Variants in CUBN observed in about 807,000 individuals in gnomAD.
CUBN encodes 460 kDa receptor.
CUBN carries 282 observed loss-of-function variants against 405.3 expected under a neutral mutation model. The observed-to-expected ratio is 0.70, with a 90% CI of 0.63 to 0.77. The LOEUF (loss-of-function observed/expected upper bound fraction) is 0.77, where lower values mean the gene tolerates loss of function less well. Among genes scored for constraint, CUBN ranks in the 30% least tolerant of loss-of-function variants. The pLI, the probability that CUBN is intolerant of heterozygous loss-of-function variation, is 0.00. For missense variants in CUBN, 4,514 were observed against 4,475.2 expected, an observed-to-expected ratio of 1.01 and a Z score of -0.25; for synonymous variants, 1,684 against 1,617.0, an observed-to-expected ratio of 1.04 and a Z score of -0.99.
At chr10:16,838,855 A>G (rs528678144) in intron 62 of CUBN, among the ~76,000 whole-genome samples, 1 of 152,338 alleles carries the variant, frequency 6.6e-6, no homozygotes, top group East Asian at 1.9e-4. Context: ...CACACTGGCC[A>G]GGCTGATCTT....
chr10:16,832,378 T>C (rs933268238), intron 64 of CUBN, among the ~76,000 whole-genome samples: 1 of 152,214 alleles, frequency 6.6e-6, no homozygotes, highest in Non-Finnish European at 1.5e-5. Flanking sequence ...AGTTAAGACA[T>C]CTTGCTGGGC....
At chr10:17,107,071 T>A (rs1034733254) in intron 10 of CUBN, among the ~76,000 whole-genome samples, 2 of 152,182 alleles carry the variant, frequency 1.3e-5, no homozygotes, top group Non-Finnish European at 2.9e-5. Context: ...AAAAGGAATT[T>A]GAAATGATCG....
At chr10:17,104,047 A>G (rs1026794155) in intron 12 of CUBN, among the ~76,000 whole-genome samples, 1 of 152,230 alleles carries the variant, frequency 6.6e-6, no homozygotes, top group African/African-American at 2.4e-5. Context: ...GCCACTGTGT[A>G]TCCTGGAAAG....
intron 19 of CUBN, among the ~76,000 whole-genome samples, chr10:17,069,202 G>C (rs1253237201): frequency 6.6e-6 from 1 of 152,074 alleles, no homozygotes; most frequent in African/African-American, 2.4e-5. Context: ...CCAGTTGATG[G>C]ACACTTAAGT....
intron 55 of CUBN, 86 bp downstream of exon 55, chr10:16,890,285 A>C: frequency 7.5e-7 from 1 of 1,338,866 alleles, no homozygotes; most frequent in South Asian, 1.2e-5. Flanking sequence ...CTCCTCCCCT[A>C]GACCCCCAGG....
rs760592191 is a variant in CUBN at position 17,068,745 on chromosome 10, G to A, written c.2651C>T (p.Ser884Phe). 10 of 1,611,990 alleles carry A rather than the reference G, an allele frequency of 6.2e-6. No individual in the cohort carries two copies. In the African/African-American group the frequency reaches 1.3e-4, roughly 22 times the overall value. Residue 884 changes from serine (S) to phenylalanine (F), a missense_variant, in exon 20 of 67, where the codon TCT becomes TTT. Ser to Phe is a radical substitution (Grantham distance 155). Transcript: ENST00000377833. ...VEIGSSSILG[S>F]PENKKYCGTD... ...ACCGCAATACTTTTTATTTTCAGGA[G>A]AACCCAAAATGGAACTGCTACCAAT...
At position 16,918,815 on chromosome 10, in the gene CUBN, A is replaced by C; in HGVS notation, c.6822-15T>G. On this transcript the variant is annotated splice_polypyrimidine_tract_variant and intron_variant, in intron 44 of 66. Coordinates refer to ENST00000377833, the MANE Select transcript of CUBN (RefSeq NM_001081.4). ...TGGAAGTACAGCTGAAGTGGGAACA[A>C]AATTCTGTTAAATTTACATGGTCAG... 4.3e-6 allele frequency: 7 copies of C among 1,611,046 alleles called. No individual in the cohort carries two copies. Among genetic ancestry groups the C allele is most frequent in the Non-Finnish European group, 5.9e-6 (7 of 1,177,884 alleles).
rs886046879 is a variant in CUBN at position 17,109,715 on chromosome 10, C to G, written c.1036G>C (p.Val346Leu). The change falls in exon 10 of 67, where the codon GTG (valine) becomes CTG (leucine). Residue 346 changes from valine to leucine, a missense_variant. Val to Leu is a conservative substitution (Grantham distance 32). Coordinates refer to ENST00000377833, the MANE Select transcript of CUBN (RefSeq NM_001081.4). ...GAGCAGATGTCTGTGAGTGTGCACA[C>G]TCTTCCGTCACCCTGGTACCCTGAT... ...CPPGYQGDGR[V>L]CTLTDICSVS... 16 of 1,613,828 alleles carry G rather than the reference C, an allele frequency of 9.9e-6. No individual in the cohort carries two copies. Among genetic ancestry groups the G allele is most frequent in the Non-Finnish European group, 1.3e-5 (15 of 1,179,958 alleles).
Position 17,129,789 on chromosome 10 carries a change from G to C in CUBN, c.-24C>G. Reference sequence around the variant, plus strand: ...ATCAACCTCCCAGGTTGGCAGGTAAGAGTGAGGCCACTCCAACCAACTGAG... The same window carrying C: ...ATCAACCTCCCAGGTTGGCAGGTAACAGTGAGGCCACTCCAACCAACTGAG... On this transcript the variant is annotated 5_prime_UTR_variant, in exon 1 of 67. Transcript: ENST00000377833. The C allele has an allele frequency of 6.2e-7, 1 of 1,613,526 alleles. No individual in the cohort carries two copies. Among genetic ancestry groups the C allele is most frequent in the Non-Finnish European group, 8.5e-7 (1 of 1,179,604 alleles).
Position 16,920,330 on chromosome 10 carries a change from T to A in CUBN, c.6647-193A>T, listed in dbSNP as rs376222196. On this transcript the variant is annotated intron_variant, in intron 43 of 66. Coordinates refer to ENST00000377833, the MANE Select transcript of CUBN (RefSeq NM_001081.4). ...AGGGAGCTACGAGGTGTGACACTTTTTATTTTGCCAGACCATTTATCTATT... is the reference window on the plus strand; with the variant it reads ...AGGGAGCTACGAGGTGTGACACTTTATATTTTGCCAGACCATTTATCTATT... 2.3e-4 allele frequency among the ~76,000 whole-genome samples: 35 copies of A among 152,356 alleles called. No homozygotes were observed. In the South Asian group the frequency reaches 7.2e-3, roughly 32 times the overall value.
At chr10:16,907,479 T>C (rs1841585216) in intron 49 of CUBN, 29 bp downstream of exon 49, 3 of 1,613,032 alleles carry the variant, frequency 1.9e-6, no homozygotes, top group Non-Finnish European at 2.5e-6. Flanking sequence ...CTGATTAAAA[T>C]GGGGGGCATT....
At chr10:16,945,699 C>T (rs1052451242) in intron 36 of CUBN, among the ~76,000 whole-genome samples, 8 of 146,276 alleles carry the variant, frequency 5.5e-5, no homozygotes, top group East Asian at 2.1e-4. Context: ...ACCCCGGAGG[C>T]GACGTTTCAG....
At chr10:16,888,996 A>G (rs1029916432) in intron 55 of CUBN, among the ~76,000 whole-genome samples, 1 of 152,200 alleles carries the variant, frequency 6.6e-6, no homozygotes, top group African/African-American at 2.4e-5. Flanking sequence ...TTTCATTACC[A>G]TTGTAATCTA....
At chr10:16,831,146 A>T in intron 65 of CUBN, 106 bp downstream of exon 65, 1 of 965,792 alleles carries the variant, frequency 1.0e-6, no homozygotes, top group East Asian at 2.4e-5. Context: ...ACATAAACTA[A>T]TCAGGTACAC....
At chr10:17,104,965 C>T (rs1326793106) in intron 11 of CUBN, among the ~76,000 whole-genome samples, 5 of 151,600 alleles carry the variant, frequency 3.3e-5, no homozygotes, top group African/African-American at 1.2e-4. Flanking sequence ...CGCGCCACCA[C>T]ACCTGGCTAA....
Position 16,938,968 on chromosome 10 carries a change from AT to A in CUBN, c.5727del (p.Lys1909AsnfsTer2). On this transcript the variant is annotated frameshift_variant, in exon 38 of 67. Coordinates refer to ENST00000377833, the MANE Select transcript of CUBN (RefSeq NM_001081.4). LOFTEE classifies it high-confidence loss of function. ...IEEIQNCYYD[K>X]LRIYDGPSIH... is the part of the protein sequence containing the mutation. ...GATTGCATGTGGAAACTCACCCTTA[AT>A]TTGTCATAATAGCAGTTTTGTATTT... The A allele has an allele frequency of 1.2e-6, 2 of 1,612,782 alleles. No homozygotes were observed. Among genetic ancestry groups the A allele is most frequent in the Non-Finnish European group, 1.7e-6 (2 of 1,179,118 alleles).
chr10:16,841,194 A>G, intron 60 of CUBN, 147 bp from the exon 61 acceptor site: 1 of 687,990 alleles, frequency 1.5e-6, no homozygotes, highest in Non-Finnish European at 2.5e-6. Flanking sequence ...GAACAGAATT[A>G]TAATTGGATT....
intron 59 of CUBN, among the ~76,000 whole-genome samples, chr10:16,853,390 G>A (rs1445730948): frequency 1.3e-5 from 2 of 152,192 alleles, no homozygotes; most frequent in Non-Finnish European, 2.9e-5. Context: ...ACGGTGAAAA[G>A]ACTGCTTTCA....
intron 54 of CUBN, among the ~76,000 whole-genome samples, chr10:16,892,447 A>G (rs1166643176): frequency 6.6e-6 from 1 of 152,138 alleles, no homozygotes; most frequent in Non-Finnish European, 1.5e-5. Flanking sequence ...CACATTTCAT[A>G]AAATTATAAA....
Sources: allele counts gnomAD v4.1 joint callset (sites outside exome capture counted in the v4.1 genomes callset), GRCh38; gene constraint gnomAD v4.1.1; transcripts MANE v1.5; gene names NCBI Gene and HGNC (gene_info 2026-07-23, HGNC 2026-07-21).